MACROD2: variants seen among roughly 807,000 people sequenced by gnomAD.
The protein encoded by MACROD2 is ADP-ribose glycohydrolase MACROD2.
MACROD2 carries 36 observed loss-of-function variants against 70.4 expected under a neutral mutation model. That is an observed-to-expected ratio of 0.51 (90% CI 0.39 to 0.68). The LOEUF (loss-of-function observed/expected upper bound fraction) is 0.68. Among genes scored for constraint, MACROD2 ranks in the 30% least tolerant of loss-of-function variants. MACROD2 has a pLI of 0.00. For synonymous variants in MACROD2, 172 were observed against 178.8 expected (o/e 0.96, Z 0.30); for missense variants, 496 against 538.4 (o/e 0.92, Z 0.78).
intron 5 of MACROD2, among the ~76,000 whole-genome samples, chr20:14,891,227 C>A (rs909397763): frequency 1.3e-5 from 2 of 152,030 alleles, no homozygotes; most frequent in African/African-American, 2.4e-5. Context: ...CCAAAACTGG[C>A]ATGAATTTTA....
At chr20:14,993,243 C>G (rs2074920822) in intron 5 of MACROD2, among the ~76,000 whole-genome samples, 1 of 151,090 alleles carries the variant, frequency 6.6e-6, no homozygotes, top group Non-Finnish European at 1.5e-5. Flanking sequence ...TACATGCAAC[C>G]AGATGTTATC....
At chr20:15,647,716 T>C (rs1408441394) in intron 8 of MACROD2, among the ~76,000 whole-genome samples, 1 of 135,084 alleles carries the variant, frequency 7.4e-6, no homozygotes, top group Non-Finnish European at 1.6e-5. Flanking sequence ...GGAGAGACAA[T>C]AGATGATTTT....
intron 3 of MACROD2, among the ~76,000 whole-genome samples, chr20:14,270,676 A>G (rs1307479552): frequency 6.6e-6 from 1 of 152,062 alleles, no homozygotes; most frequent in Non-Finnish European, 1.5e-5. Flanking sequence ...TCTCAACTCA[A>G]CTTTTTTTCC....
At chr20:14,803,830 T>A (rs2122149248) in intron 5 of MACROD2, among the ~76,000 whole-genome samples, 1 of 152,256 alleles carries the variant, frequency 6.6e-6, no homozygotes, top group Admixed American at 6.5e-5. Context: ...TAACTGTTAC[T>A]GTCACTTGGA....
intron 8 of MACROD2, among the ~76,000 whole-genome samples, chr20:15,844,270 A>G (rs548698744): frequency 6.6e-6 from 1 of 152,224 alleles, no homozygotes; most frequent in Non-Finnish European, 1.5e-5. Flanking sequence ...CTATGGTAAT[A>G]TAATTATGAA....
chr20:15,284,667 G>C (rs2077475752), intron 6 of MACROD2, among the ~76,000 whole-genome samples: 1 of 152,122 alleles, frequency 6.6e-6, no homozygotes, highest in South Asian at 2.1e-4. Context: ...ATTTTGCTGA[G>C]AAAATTTTGC....
intron 4 of MACROD2, among the ~76,000 whole-genome samples, chr20:14,518,441 T>A (rs892584900): frequency 1.3e-5 from 2 of 152,138 alleles, no homozygotes; most frequent in African/African-American, 4.8e-5. Context: ...AGCAGCCTTC[T>A]TTATTTTTTT....
At chr20:15,540,369 C>T (rs985384510) in intron 8 of MACROD2, among the ~76,000 whole-genome samples, 1 of 152,170 alleles carries the variant, frequency 6.6e-6, no homozygotes, top group Non-Finnish European at 1.5e-5. Context: ...GGAAAGCTGA[C>T]CCCGGCCATC....
chr20:15,479,515 C>T (rs899030156), intron 7 of MACROD2, among the ~76,000 whole-genome samples: 9 of 151,916 alleles, frequency 5.9e-5, no homozygotes, highest in East Asian at 5.8e-4. Flanking sequence ...CCTCGTGATC[C>T]GCCCGCCTCG....
intron 4 of MACROD2, among the ~76,000 whole-genome samples, chr20:14,589,514 T>C (rs1373170431): frequency 1.3e-5 from 2 of 152,220 alleles, no homozygotes; most frequent in Non-Finnish European, 2.9e-5. Flanking sequence ...TTGTCTGTTA[T>C]ACTATTATAT....
intron 5 of MACROD2, chr20:14,895,164 A>G (rs2073812322): frequency 6.6e-6 from 1 of 152,200 alleles, no homozygotes; most frequent in Non-Finnish European, 1.5e-5. Context: ...CTATGGAAAT[A>G]AAAAAGCTAG....
chr20:15,598,254 G>A (rs1157594392), intron 8 of MACROD2, among the ~76,000 whole-genome samples: 1 of 152,176 alleles, frequency 6.6e-6, no homozygotes, highest in Non-Finnish European at 1.5e-5. Context: ...GTGAAATACT[G>A]TATCTAGTGA....
chr20:14,819,792 G>C (rs188241668), intron 5 of MACROD2, among the ~76,000 whole-genome samples: 3 of 152,216 alleles, frequency 2.0e-5, no homozygotes, highest in East Asian at 3.9e-4. Context: ...AGGCCCAGAG[G>C]CCTTATTCTA....
chr20:14,853,376 T>A (rs1402882564), intron 5 of MACROD2, among the ~76,000 whole-genome samples: 2 of 152,010 alleles, frequency 1.3e-5, no homozygotes, highest in African/African-American at 4.8e-5. Context: ...GCATAGGTGC[T>A]TCCTGGGTTT....
At chr20:14,733,383 A>C (rs2071620750) in intron 5 of MACROD2, among the ~76,000 whole-genome samples, 1 of 152,184 alleles carries the variant, frequency 6.6e-6, no homozygotes, top group Non-Finnish European at 1.5e-5. Flanking sequence ...ACTTCCTTAT[A>C]GGTAACCCTT....
At chr20:14,789,460 A>ATTGTTT (rs1555830595) in intron 5 of MACROD2, among the ~76,000 whole-genome samples, 1 of 48,326 alleles carries the variant, frequency 2.1e-5, no homozygotes, top group Non-Finnish European at 3.6e-5. Flanking sequence ...GGTAGTGCAA[A>ATTGTTT]TTTTTTTTTT....
chr20:16,029,356 G>T (rs1029546324), intron 15 of MACROD2, among the ~76,000 whole-genome samples: 1 of 152,194 alleles, frequency 6.6e-6, no homozygotes, highest in Non-Finnish European at 1.5e-5. Flanking sequence ...CCAGGTGCAT[G>T]TGACACCCAC....
At chr20:15,898,021 GTTTTGT>G (rs1274282150) in intron 10 of MACROD2, among the ~76,000 whole-genome samples, 2 of 152,154 alleles carry the variant, frequency 1.3e-5, no homozygotes, top group Non-Finnish European at 2.9e-5. Flanking sequence ...TTGGCTTAGA[GTTTTGT>G]TTTTATTTTG....
chr20:14,430,331 C>T (rs1568608434), intron 3 of MACROD2, among the ~76,000 whole-genome samples: 1 of 151,964 alleles, frequency 6.6e-6, no homozygotes, highest in Admixed American at 6.6e-5. Flanking sequence ...TAAAAGAGAT[C>T]GAAGATGAGG....
Sources: allele counts gnomAD v4.1 joint callset (sites outside exome capture counted in the v4.1 genomes callset), GRCh38; gene constraint gnomAD v4.1.1; transcripts MANE v1.5; gene names NCBI Gene and HGNC (gene_info 2026-07-23, HGNC 2026-07-21).